Variants in ADH6 observed in about 807,000 individuals in gnomAD.
ADH6 encodes the protein alcohol dehydrogenase 6 (class V).
ADH6 carries 34 observed loss-of-function variants against 36.5 expected under a neutral mutation model. The ratio of observed to expected loss-of-function variants is 0.93; its 90% CI spans 0.71 to 1.24. The LOEUF is 1.24. Ranked by LOEUF, ADH6 falls within the 50% of genes most tolerant of loss-of-function variation. ADH6 has a pLI of 0.00. For missense variants in ADH6, 440 were observed against 447.0 expected (o/e 0.98, Z 0.14); for synonymous variants, 161 against 155.5 (o/e 1.04, Z -0.26).
chr4:99,208,565 TA>T, intron 6 of ADH6, 102 bp downstream of exon 6: 1 of 1,363,254 alleles, frequency 7.3e-7, no homozygotes, highest in South Asian at 1.5e-5. Context: ...CAAGGAAAAT[TA>T]AATAGAGCAA....
chr4:99,205,154 G>C, intron 7 of ADH6, 91 bp from the exon 8 acceptor site: 2 of 1,384,730 alleles, frequency 1.4e-6, no homozygotes, highest in Non-Finnish European at 1.9e-6. Flanking sequence ...TGTTGGCTTT[G>C]ACTGAGAAAA....
chr4:99,217,691 G>A (rs1731499068), intron 1 of ADH6, among the ~76,000 whole-genome samples: 2 of 152,142 alleles, frequency 1.3e-5, no homozygotes, highest in Non-Finnish European at 1.5e-5. Context: ...GCAAGTTCAG[G>A]TATACCTTTA....
At position 99,203,935 on chromosome 4, in the gene ADH6, T is replaced by C; in HGVS notation, c.*284A>G. 1 of 385,446 alleles carries C rather than the reference T, an allele frequency of 2.6e-6. No individual in the cohort carries two copies. Among genetic ancestry groups the C allele is most frequent in the Non-Finnish European group, 4.6e-6 (1 of 217,268 alleles). The allele number at this position is 385,446 out of a possible 1,614,324, so 23.9% of individuals were successfully genotyped here. On this transcript the variant is annotated 3_prime_UTR_variant, in exon 9 of 9. Transcript: ENST00000394899. ...GAGGAACTATGAAAATGGGAGCATC[T>C]TGCATTGACCTTTTATGTCTGAAGG... is the stretch of plus-strand genomic sequence containing the variant.
chr4:99,207,725 C>G, intron 6 of ADH6, 144 bp from the exon 7 acceptor site: 1 of 911,316 alleles, frequency 1.1e-6, no homozygotes, highest in Non-Finnish European at 1.6e-6. Context: ...TAACATTTAT[C>G]TTGTAAGGAT....
chr4:99,205,168 A>C lies in ADH6; in HGVS notation c.965-105T>G, dbSNP rs1262832544. ...TTGTTGGCTTTGACTGAGAAAATCT[A>C]AGCCTGTCCCGTTTACTTGCCTCAA... On this transcript the variant is annotated intron_variant, in intron 7 of 8. Coordinates refer to ENST00000394899, the MANE Select transcript of ADH6 (RefSeq NM_001102470.2). 4 of 1,264,812 alleles carry C rather than the reference A, an allele frequency of 3.2e-6. No individual in the cohort carries two copies. The East Asian group carries it at 1.0e-4, about 32-fold the overall frequency. The allele number at this position is 1,264,812 out of a possible 1,614,324, so 78.3% of individuals were successfully genotyped here. A position where few individuals can be genotyped will look rare whatever the true frequency, so the allele number is the denominator to read the frequency against.
chr4:99,203,904 C>G lies in ADH6; in HGVS notation c.*315G>C, dbSNP rs1730934241. 3.3e-6 allele frequency: 1 copy of G among 298,558 alleles called. No individual in the cohort carries two copies. Among genetic ancestry groups the G allele is most frequent in the African/African-American group, 2.2e-5 (1 of 45,638 alleles). The allele number at this position is 298,558 out of a possible 1,614,324, so 18.5% of individuals were successfully genotyped here. Reference sequence around the variant, plus strand: ...TAGTGTACAAGAATATAAAGGTCCACAGGTAGAGGAACTATGAAAATGGGA... The same window carrying G: ...TAGTGTACAAGAATATAAAGGTCCAGAGGTAGAGGAACTATGAAAATGGGA... On this transcript the variant is annotated 3_prime_UTR_variant, in exon 9 of 9. Coordinates refer to ENST00000394899, the MANE Select transcript of ADH6 (RefSeq NM_001102470.2).
chr4:99,205,754 G>T (rs1731009889), intron 7 of ADH6, among the ~76,000 whole-genome samples: 1 of 152,120 alleles, frequency 6.6e-6, no homozygotes, highest in Non-Finnish European at 1.5e-5. Context: ...GACTTTGGCA[G>T]TCTGCTCATT....
chr4:99,213,854 AC>A (rs1422429593), intron 2 of ADH6, 107 bp from the exon 3 acceptor site: 13 of 954,162 alleles, frequency 1.4e-5, no homozygotes, highest in Non-Finnish European at 1.9e-5. Context: ...CCATTTATAC[AC>A]TGCATTCATT....
At position 99,210,471 on chromosome 4, in the gene ADH6, CTG is replaced by C. The variant is rs1278713450; in HGVS notation, c.292_293del (p.Gln98ValfsTer11). ...GDKVITLFLP[Q>X]CGECTSCLNS... ...TCAGGCAAGAGGTACATTCTCCACA[CTG>C]TGGCAGAAAGAGTGTGATAACTTTG... On this transcript the variant is annotated frameshift_variant, in exon 4 of 9. Transcript: ENST00000394899. LOFTEE classifies it high-confidence loss of function. 1 of 1,611,944 alleles carries C rather than the reference CTG, an allele frequency of 6.2e-7. No homozygotes were observed. The highest frequency in any genetic ancestry group is 8.5e-7 in the Non-Finnish European group (1 of 1,179,200).
At chr4:99,205,647 G>A (rs1393699488) in intron 7 of ADH6, among the ~76,000 whole-genome samples, 1 of 152,088 alleles carries the variant, frequency 6.6e-6, no homozygotes, top group East Asian at 1.9e-4. Context: ...AAGGTAAGAT[G>A]TAGTTTAGCA....
At position 99,210,469 on chromosome 4, in the gene ADH6, C is replaced by A. The variant is rs1035807648; in HGVS notation, c.296G>T (p.Cys99Phe). The A allele has an allele frequency of 6.2e-7, 1 of 1,612,020 alleles. No homozygotes were observed. Among genetic ancestry groups the A allele is most frequent in the Non-Finnish European group, 8.5e-7 (1 of 1,179,218 alleles). ...ATTCAGGCAAGAGGTACATTCTCCA[C>A]ACTGTGGCAGAAAGAGTGTGATAAC... ...DKVITLFLPQ[C>F]GECTSCLNSE... Residue 99 changes from cysteine to phenylalanine, a missense_variant, in exon 4 of 9, where the codon TGT becomes TTT. By Grantham distance (205) the Cys-to-Phe change is radical. Coordinates refer to ENST00000394899, the MANE Select transcript of ADH6 (RefSeq NM_001102470.2).
chr4:99,211,756 C>T (rs760925494), intron 3 of ADH6, among the ~76,000 whole-genome samples: 14 of 152,240 alleles, frequency 9.2e-5, no homozygotes, highest in Non-Finnish European at 1.9e-4. Context: ...GTAAAAGTGA[C>T]TTAACACCTG....
intron 2 of ADH6, 122 bp downstream of exon 2, chr4:99,216,039 A>C (rs1731402147): frequency 2.0e-6 from 1 of 491,426 alleles, no homozygotes; most frequent in East Asian, 3.3e-5. Flanking sequence ...AGAAATACAA[A>C]GATATGTAGT....
rs1338396407 is a variant in ADH6 at position 99,207,732 on chromosome 4, G to A, written c.829-151C>T. 3.4e-6 allele frequency: 3 copies of A among 878,430 alleles called. No individual in the cohort carries two copies. In the Admixed American group the frequency reaches 8.3e-5, roughly 24 times the overall value. The allele number at this position is 878,430 out of a possible 1,614,324, so 54.4% of individuals were successfully genotyped here. ...ATTTGAAGTAACATTTATCTTGTAA[G>A]GATGCTATGAAACACATATAAGACG... is the stretch of plus-strand genomic sequence containing the variant. On this transcript the variant is annotated intron_variant, in intron 6 of 8. Coordinates refer to ENST00000394899, the MANE Select transcript of ADH6 (RefSeq NM_001102470.2).
chr4:99,205,375 CA>C (rs1375224297), intron 7 of ADH6, among the ~76,000 whole-genome samples: 1 of 152,040 alleles, frequency 6.6e-6, no homozygotes, highest in Admixed American at 6.6e-5. Flanking sequence ...TAATGTATAA[CA>C]AAGGCCAAGG....
rs1254016328 is a variant in ADH6 at position 99,213,748 on chromosome 4, C to T, written c.121-1G>A. The T allele has an allele frequency of 6.2e-7, 1 of 1,602,028 alleles. No homozygotes were observed. Among genetic ancestry groups the T allele is most frequent in the African/African-American group, 1.3e-5 (1 of 74,402 alleles). On this transcript the variant is annotated splice_acceptor_variant, in intron 2 of 8. Transcript: ENST00000394899. LOFTEE classifies it high-confidence loss of function. The stretch of plus-strand genomic sequence containing the variant: ...TACCACACAGTCCGGTGGCCACAAC[C>T]TGTATGGAAGGCAAAGGGTACTGCA...
chr4:99,210,088 A>G lies in ADH6; in HGVS notation c.561T>C (p.Thr187=). 6.2e-7 allele frequency: 1 copy of G among 1,613,486 alleles called. No individual in the cohort carries two copies. The highest frequency in any genetic ancestry group is 8.5e-7 in the Non-Finnish European group (1 of 1,179,638). The part of the protein sequence containing the change: ...FSTGFGAAIN[T]AKVTPGSTCA... ...GGGTATAAATGCCCCTCACCTTGGC[A>G]GTATTGATTGCAGCACCAAACCCAG... Residue 187 remains threonine (T), a synonymous_variant, in exon 5 of 9, where the codon ACT becomes ACC. Coordinates refer to ENST00000394899, the MANE Select transcript of ADH6 (RefSeq NM_001102470.2).
At position 99,210,504 on chromosome 4, in the gene ADH6, TA is replaced by T; in HGVS notation, c.263-3del. On this transcript the variant is annotated splice_region_variant and splice_polypyrimidine_tract_variant and intron_variant, in intron 3 of 8. Coordinates refer to ENST00000394899, the MANE Select transcript of ADH6 (RefSeq NM_001102470.2). The stretch of plus-strand genomic sequence containing the variant: ...GAAAGAGTGTGATAACTTTGTCACC[TA>T]AAAGAGCAAAATCATGTCTTATTAA... 6.3e-7 allele frequency: 1 copy of T among 1,598,558 alleles called. No individual in the cohort carries two copies. Among genetic ancestry groups the T allele is most frequent in the Non-Finnish European group, 8.6e-7 (1 of 1,168,514 alleles).
chr4:99,210,639 T>C, intron 3 of ADH6, 137 bp from the exon 4 acceptor site: 1 of 671,970 alleles, frequency 1.5e-6, no homozygotes, highest in Admixed American at 2.8e-5. Context: ...TTGTGCTTGA[T>C]ACCACAAAGA....
Sources: allele counts gnomAD v4.1 joint callset (sites outside exome capture counted in the v4.1 genomes callset), GRCh38; gene constraint gnomAD v4.1.1; transcripts MANE v1.5; gene names NCBI Gene and HGNC (gene_info 2026-07-23, HGNC 2026-07-21).